ATP10D: variants seen among roughly 807,000 people sequenced by gnomAD.
ATP10D encodes ATPase phospholipid transporting 10D (putative).
ATP10D carries 89 observed loss-of-function variants against 144.8 expected under a neutral mutation model. The observed-to-expected ratio is 0.61, with a 90% CI of 0.52 to 0.73. The LOEUF (loss-of-function observed/expected upper bound fraction) is 0.73, where lower values mean the gene tolerates loss of function less well. Ranked by LOEUF, ATP10D falls within the 30% of genes least tolerant of loss-of-function variation. The pLI is 0.00. For synonymous variants in ATP10D, 571 were observed against 615.1 expected, an observed-to-expected ratio of 0.93 and a Z score of 1.06; for missense variants, 1,603 against 1,714.8, an observed-to-expected ratio of 0.93 and a Z score of 1.15.
At chr4:47,546,575 A>T (rs770436696) in intron 9 of ATP10D, 49 bp from the exon 10 acceptor site, 5 of 1,519,422 alleles carry the variant, frequency 3.3e-6, no homozygotes, top group African/African-American at 1.4e-5. Flanking sequence ...TATTCAACTT[A>T]CAAGTGGCTC....
chr4:47,521,330 C>CACCT (rs1448484215), intron 3 of ATP10D, among the ~76,000 whole-genome samples: 2 of 152,202 alleles, frequency 1.3e-5, no homozygotes, highest in Admixed American at 6.5e-5. Context: ...CACCATCCAT[C>CACCT]ACCTCATAGT....
intron 1 of ATP10D, among the ~76,000 whole-genome samples, chr4:47,504,192 C>T (rs1715882335): frequency 6.6e-6 from 1 of 152,162 alleles, no homozygotes; most frequent in Non-Finnish European, 1.5e-5. Flanking sequence ...ATAAATTGAC[C>T]CTTGTCATCA....
At chr4:47,496,588 T>C (rs1440968466) in intron 1 of ATP10D, among the ~76,000 whole-genome samples, 1 of 152,206 alleles carries the variant, frequency 6.6e-6, no homozygotes, top group African/African-American at 2.4e-5. Context: ...CCCAAAACTA[T>C]ATGAATGTAT....
At chr4:47,528,499 GTGTGTGTGTGTGTGTATATA>G (rs1462193937) in intron 5 of ATP10D, among the ~76,000 whole-genome samples, 950 of 59,548 alleles carry the variant, frequency 0.016, 9 homozygotes, top group Non-Finnish European at 0.02. Flanking sequence ...GTGTGTGTGT[GTGTGTGTGTGTGTGTATATA>G]TATATATATA....
chr4:47,536,022 C>T lies in ATP10D; in HGVS notation c.1004C>T (p.Thr335Ile). The T allele has an allele frequency of 6.2e-7, 1 of 1,609,868 alleles. No homozygotes were observed. The highest frequency in any genetic ancestry group is 8.5e-7 in the Non-Finnish European group (1 of 1,178,434). The change falls in exon 7 of 23, where the codon ACT becomes ATT. Residue 335 changes from threonine to isoleucine, a missense_variant. Coordinates refer to ENST00000273859, the MANE Select transcript of ATP10D (RefSeq NM_020453.4). Reference protein sequence around the residue: ...CVMLLVIMCLTGAVGHGIWLS... With the variant: ...CVMLLVIMCLIGAVGHGIWLS... ...ATGCTTCTGGTCATAATGTGCTTAA[C>T]TGGCGCAGTAGGTAGGTAAAATTTG...
intron 3 of ATP10D, among the ~76,000 whole-genome samples, chr4:47,516,618 G>A (rs554474776): frequency 3.6e-4 from 55 of 152,254 alleles, no homozygotes; most frequent in Non-Finnish European, 6.2e-4. Flanking sequence ...TGCAGAATTC[G>A]TATTTTGTTC....
chr4:47,499,767 G>A (rs1264950363), intron 1 of ATP10D, among the ~76,000 whole-genome samples: 2 of 152,146 alleles, frequency 1.3e-5, no homozygotes, highest in Non-Finnish European at 2.9e-5. Flanking sequence ...ACCTTAAACT[G>A]TCTTTAAAAA....
chr4:47,538,219 G>A (rs1169135120), intron 9 of ATP10D, among the ~76,000 whole-genome samples: 1 of 151,842 alleles, frequency 6.6e-6, no homozygotes. Context: ...GAATTTCCTT[G>A]GTAAATTAAT....
At position 47,558,971 on chromosome 4, in the gene ATP10D, A is replaced by G. The variant is rs1165585596; in HGVS notation, c.2483A>G (p.Gln828Arg). Residue 828 changes from glutamine to arginine, a missense_variant, in exon 13 of 23, where the codon CAG becomes CGG. Transcript: ENST00000273859. The part of the protein sequence containing the change: ...KQQMIVREKT[Q>R]KHLDDYAKQG... ...CAGATGATAGTAAGGGAGAAAACCC[A>G]GAAGCACTTGGATGACTATGCCAAA... 6.2e-7 allele frequency: 1 copy of G among 1,614,188 alleles called. No individual in the cohort carries two copies. Among genetic ancestry groups the G allele is most frequent in the Non-Finnish European group, 8.5e-7 (1 of 1,180,024 alleles).
chr4:47,489,631 C>A (rs568077913), intron 1 of ATP10D, among the ~76,000 whole-genome samples: 1 of 152,296 alleles, frequency 6.6e-6, no homozygotes, highest in East Asian at 1.9e-4. Context: ...TATATCCCCT[C>A]TTTCACAAAG....
intron 16 of ATP10D, among the ~76,000 whole-genome samples, chr4:47,571,462 A>G (rs1006425730): frequency 4.6e-5 from 7 of 152,114 alleles, no homozygotes; most frequent in African/African-American, 7.2e-5. Context: ...GATCTGGGAC[A>G]CTTGCTTACC....
At chr4:47,528,974 G>A (rs1290678412) in intron 5 of ATP10D, among the ~76,000 whole-genome samples, 2 of 151,778 alleles carry the variant, frequency 1.3e-5, no homozygotes, top group Non-Finnish European at 2.9e-5. Context: ...AATGTCTGTT[G>A]ATGTCTTTTG....
chr4:47,513,603 T>G (rs1716478656), intron 2 of ATP10D, among the ~76,000 whole-genome samples: 1 of 152,140 alleles, frequency 6.6e-6, no homozygotes. Flanking sequence ...GGAAGGAGTA[T>G]GAATAATGGC....
At chr4:47,505,290 G>A (rs2109393741) in intron 1 of ATP10D, among the ~76,000 whole-genome samples, 1 of 152,318 alleles carries the variant, frequency 6.6e-6, no homozygotes, top group East Asian at 1.9e-4. Flanking sequence ...TGTGCATTTT[G>A]CAATAAAGTT....
Position 47,557,815 on chromosome 4 carries a change from G to A in ATP10D, c.1976G>A (p.Arg659Lys), listed in dbSNP as rs1214277373. 1.2e-6 allele frequency: 2 copies of A among 1,614,098 alleles called. No individual in the cohort carries two copies. Among genetic ancestry groups the A allele is most frequent in the Non-Finnish European group, 1.7e-6 (2 of 1,180,044 alleles). Residue 659 changes from arginine to lysine, a missense_variant, in exon 12 of 23, where the codon AGA becomes AAA. Arg to Lys is a conservative substitution (Grantham distance 26). Transcript: ENST00000273859. ...SSGVPNAFVS[R>K]LPLFSRMKPA... Reference sequence around the variant, plus strand: ...GGAGTTCCAAACGCCTTTGTGAGCAGACTCCCTCTCTTTAGTCGAATGAAA... The same window carrying A: ...GGAGTTCCAAACGCCTTTGTGAGCAAACTCCCTCTCTTTAGTCGAATGAAA...
At chr4:47,565,282 A>G (rs895599621) in intron 15 of ATP10D, among the ~76,000 whole-genome samples, 2 of 152,172 alleles carry the variant, frequency 1.3e-5, no homozygotes, top group African/African-American at 4.8e-5. Flanking sequence ...TTTTATGGTC[A>G]GACCTCAACC....
intron 9 of ATP10D, among the ~76,000 whole-genome samples, chr4:47,543,789 G>T (rs1441684848): frequency 6.6e-6 from 1 of 151,580 alleles, no homozygotes; most frequent in South Asian, 2.1e-4. Context: ...CTACCTGATG[G>T]CATTATTTTG....
intron 1 of ATP10D, among the ~76,000 whole-genome samples, chr4:47,487,249 A>AT (rs1714818224): frequency 6.6e-6 from 1 of 151,712 alleles, no homozygotes; most frequent in African/African-American, 2.4e-5. Flanking sequence ...AAAAAAAAAA[A>AT]ATAGAATCTC....
intron 1 of ATP10D, among the ~76,000 whole-genome samples, chr4:47,504,483 G>A (rs1473973022): frequency 6.6e-6 from 1 of 152,190 alleles, no homozygotes; most frequent in South Asian, 2.1e-4. Flanking sequence ...AGATGACACA[G>A]ATTGGAGCAA....
Sources: gnomAD v4.1 joint callset for allele counts (sites outside exome capture counted in the v4.1 genomes callset) on GRCh38, gnomAD v4.1.1 for gene constraint, MANE v1.5 for transcripts, NCBI Gene and HGNC (gene_info 2026-07-23, HGNC 2026-07-21) for gene names.